Variants in GPR146 observed in about 807,000 individuals in gnomAD.
GPR146 encodes the protein G protein-coupled receptor 146.
For missense variants in GPR146, 381 were observed against 213.9 expected, an observed-to-expected ratio of 1.78 and a Z score of -4.87; for synonymous variants, 203 against 104.3, an observed-to-expected ratio of 1.95 and a Z score of -5.77.
At position 1,053,282 on chromosome 7, in the gene GPR146, C is replaced by T. The variant is rs902918852; in HGVS notation, c.-24-4210C>T. Among the ~76,000 whole-genome samples the T allele has an allele frequency of 5.3e-5, 8 of 152,280 alleles. No individual in the cohort carries two copies. In the East Asian group the frequency reaches 1.5e-3, roughly 29 times the overall value. ...AGGCACATGGGGCCCAGGCCATCCC[C>T]CTCACTCGGACGCAGGTGTGGCGAC... On this transcript the variant is annotated intron_variant, in intron 1 of 1. Transcript: ENST00000444847.
intron 1 of GPR146, among the ~76,000 whole-genome samples, chr7:1,053,699 C>T (rs1052432890): frequency 6.6e-5 from 10 of 152,144 alleles, no homozygotes; most frequent in Non-Finnish European, 1.2e-4. Flanking sequence ...TGGTGGCAGT[C>T]GCCTGTAATC....
intron 1 of GPR146, among the ~76,000 whole-genome samples, chr7:1,047,818 T>C (rs7809203): frequency 0.61 from 92,573 of 152,146 alleles, 29,023 homozygotes; most frequent in African/African-American, 0.75. Flanking sequence ...TGAGTCCCCA[T>C]CCTGCCTGCT....
intron 1 of GPR146, among the ~76,000 whole-genome samples, chr7:1,047,677 G>A (rs1339113314): frequency 1.3e-5 from 2 of 152,268 alleles, no homozygotes; most frequent in African/African-American, 4.8e-5. Context: ...GTTCGGCCAG[G>A]AGCTGGCCGT....
At chr7:1,045,319 T>A (rs1782477381) in intron 1 of GPR146, 1 of 152,292 alleles carries the variant, frequency 6.6e-6, no homozygotes, top group Admixed American at 6.5e-5. Flanking sequence ...AGGATAATTC[T>A]GTATTCGTCG....
Position 1,044,568 on chromosome 7 carries a change from C to G in GPR146, c.-115C>G, listed in dbSNP as rs1341025968. ...GACGGTCACGTGTGTACACAGGGCC[C>G]GGGCGGCGTGCGCGCCGTGAGCCCC... On this transcript the variant is annotated 5_prime_UTR_variant, in exon 1 of 2. Transcript: ENST00000444847. The G allele has an allele frequency of 6.6e-6, 1 of 150,892 alleles. No homozygotes were observed. Among genetic ancestry groups the G allele is most frequent in the Non-Finnish European group, 1.5e-5 (1 of 67,618 alleles). 9.3% of individuals were successfully genotyped at this position (150,892 alleles called of 1,614,324 possible).
chr7:1,044,684 C>T (rs989920624), intron 1 of GPR146, 26 bp downstream of exon 1: 5 of 152,088 alleles, frequency 3.3e-5, no homozygotes, highest in African/African-American at 7.2e-5. Context: ...GAGCCTGGGT[C>T]GGGTCGGTGG....
chr7:1,053,113 C>T (rs374574693), intron 1 of GPR146, among the ~76,000 whole-genome samples: 1 of 152,204 alleles, frequency 6.6e-6, no homozygotes. Flanking sequence ...TCCAGGATGC[C>T]CTGCTTCCCC....
At chr7:1,057,103 G>A (rs970060221) in intron 1 of GPR146, among the ~76,000 whole-genome samples, 1 of 152,078 alleles carries the variant, frequency 6.6e-6, no homozygotes, top group South Asian at 2.1e-4. Context: ...TGTCCCTCCC[G>A]GCGCTGGCAA....
At chr7:1,049,100 G>A (rs1782856836) in intron 1 of GPR146, among the ~76,000 whole-genome samples, 1 of 152,218 alleles carries the variant, frequency 6.6e-6, no homozygotes, top group Non-Finnish European at 1.5e-5. Flanking sequence ...CCATGCAAGC[G>A]CCACCCACAG....
At chr7:1,048,189 C>T (rs896927864) in intron 1 of GPR146, among the ~76,000 whole-genome samples, 12 of 152,066 alleles carry the variant, frequency 7.9e-5, no homozygotes, top group African/African-American at 2.7e-4. Context: ...GATCAACATC[C>T]GCAAAAGACA....
intron 1 of GPR146, among the ~76,000 whole-genome samples, chr7:1,049,591 G>A (rs1371733273): frequency 1.3e-5 from 2 of 152,126 alleles, no homozygotes; most frequent in Admixed American, 1.3e-4. Context: ...TTCTTACAGC[G>A]CTTTATGTCA....
At position 1,045,256 on chromosome 7, in the gene GPR146, A is replaced by T. The variant is rs1375398381; in HGVS notation, c.-25+598A>T. The T allele has an allele frequency of 2.0e-5, 3 of 152,236 alleles. No homozygotes were observed. The East Asian group carries it at 5.8e-4, about 29-fold the overall frequency. The allele number at this position is 152,236 out of a possible 1,614,324, so 9.4% of individuals were successfully genotyped here. On this transcript the variant is annotated intron_variant, in intron 1 of 1. Transcript: ENST00000444847. ...ATTAGGCATAAGTCTATGAATCTTG[A>T]TGTGACTGGTCACAGTGGCTTATCT... is the stretch of plus-strand genomic sequence containing the variant.
intron 1 of GPR146, among the ~76,000 whole-genome samples, chr7:1,054,477 G>A (rs182819017): frequency 4.6e-5 from 7 of 152,348 alleles, no homozygotes; most frequent in East Asian, 1.9e-4. Flanking sequence ...GTGACAGCAC[G>A]CACTCGAGAG....
chr7:1,052,097 G>A lies in GPR146; in HGVS notation c.-24-5395G>A, dbSNP rs550517517. Among the ~76,000 whole-genome samples, 2 of 152,388 alleles carry A rather than the reference G, an allele frequency of 1.3e-5. No homozygotes were observed. The highest frequency in any genetic ancestry group is 6.5e-5 in the Admixed American group (1 of 15,308). ...GGCCATCTTGGACAGCTGAGGCCCA[G>A]GCAGGGCCAGCTCCTTCCACCTTCC... On this transcript the variant is annotated intron_variant, in intron 1 of 1. Transcript: ENST00000444847. This position sits in a 1 kb window ranked among gnomAD's most constrained non-coding sequence, Gnocchi z 4.2.
rs1310161717 is a variant in GPR146, at chr7:1,052,382, CT to C, written c.-24-5109del. Reference sequence around the variant, plus strand: ...TGCTTGTGCTGGCACCGACGTGGGCCTGGGGAGGGACCTGTGTGTGGGTGGC... The same window carrying C: ...TGCTTGTGCTGGCACCGACGTGGGCCGGGGAGGGACCTGTGTGTGGGTGGC... On this transcript the variant is annotated intron_variant, in intron 1 of 1. Coordinates refer to ENST00000444847, the MANE Select transcript of GPR146 (RefSeq NM_001303473.2). The surrounding 1 kb of genome is among the most constrained non-coding windows in gnomAD (Gnocchi z 4.2). Among the ~76,000 whole-genome samples, 1 of 152,076 alleles carries C rather than the reference CT, an allele frequency of 6.6e-6. No homozygotes were observed. The highest frequency in any genetic ancestry group is 1.5e-5 in the Non-Finnish European group (1 of 67,998).
chr7:1,050,059 T>C (rs1782950810), intron 1 of GPR146, among the ~76,000 whole-genome samples: 1 of 152,002 alleles, frequency 6.6e-6, no homozygotes, highest in Admixed American at 6.5e-5. Context: ...CAGGGCCCCC[T>C]CAGCGGGCCC....
Position 1,058,223 on chromosome 7 carries a change from G to A in GPR146, c.708G>A (p.Val236=), listed in dbSNP as rs1784076856. The A allele has an allele frequency of 2.6e-6, 2 of 757,046 alleles. No individual in the cohort carries two copies. Among genetic ancestry groups the A allele is most frequent in the South Asian group, 2.7e-5 (2 of 73,594 alleles). 46.9% of individuals were successfully genotyped at this position (757,046 alleles called of 1,614,324 possible). A position where few individuals can be genotyped will look rare whatever the true frequency, so the allele number is the denominator to read the frequency against. ...AGCCCTCGGCACACAGGCTGCTGGT[G>A]GCCACCGTGTGCACGCAGTTTGGGC... ...RLEPSAHRLL[V]ATVCTQFGLW... The change falls in exon 2 of 2, where the codon GTG becomes GTA. Residue 236 remains valine, a synonymous_variant. Transcript: ENST00000444847.
chr7:1,044,800 C>G (rs1782425098), intron 1 of GPR146, 142 bp downstream of exon 1: 1 of 152,264 alleles, frequency 6.6e-6, no homozygotes. Flanking sequence ...CCGCTGCCCA[C>G]TGCGGGGCTC....
chr7:1,048,770 A>G (rs1301390144), intron 1 of GPR146, among the ~76,000 whole-genome samples: 1 of 152,156 alleles, frequency 6.6e-6, no homozygotes, highest in African/African-American at 2.4e-5. Flanking sequence ...TGCTATGGCC[A>G]TGGTCTCCAC....
Sources: allele counts gnomAD v4.1 joint callset (sites outside exome capture counted in the v4.1 genomes callset), GRCh38; gene constraint gnomAD v4.1.1; non-coding constraint Gnocchi (gnomAD v3.1); transcripts MANE v1.5; gene names NCBI Gene and HGNC (gene_info 2026-07-23, HGNC 2026-07-21).